The following RBM19 variants were observed in gnomAD, a reference collection of about 807,000 sequenced individuals.
RBM19 encodes the protein probable RNA-binding protein 19.
A neutral mutation model predicts 116.8 loss-of-function variants in RBM19; 94 were observed. The ratio of observed to expected loss-of-function variants is 0.80; its 90% CI spans 0.68 to 0.95. RBM19 has a LOEUF of 0.95. RBM19 is among the 40% of genes least tolerant of loss of function. RBM19 has a pLI of 0.00. For missense variants in RBM19, 1,161 were observed against 1,220.7 expected (o/e 0.95, Z 0.73); for synonymous variants, 475 against 494.1 (o/e 0.96, Z 0.51).
At chr12:113,830,946 T>C (rs1875357590) in intron 23 of RBM19, among the ~76,000 whole-genome samples, 3 of 151,938 alleles carry the variant, frequency 2.0e-5, no homozygotes, top group Non-Finnish European at 2.9e-5. Flanking sequence ...GGCTCGAGGG[T>C]CCAGATAGGA....
chr12:113,832,429 A>G (rs889593249), intron 23 of RBM19, among the ~76,000 whole-genome samples: 1 of 152,110 alleles, frequency 6.6e-6, no homozygotes, highest in African/African-American at 2.4e-5. Context: ...GGCTCAAGTG[A>G]TCCACCCACC....
At chr12:113,889,010 C>T (rs1880745987) in intron 21 of RBM19, among the ~76,000 whole-genome samples, 1 of 152,228 alleles carries the variant, frequency 6.6e-6, no homozygotes, top group Non-Finnish European at 1.5e-5. Context: ...GGTGGCCATG[C>T]ATGTGAAATG....
Position 113,915,018 on chromosome 12 carries a change from G to A in RBM19, c.2509C>T (p.Arg837Trp), listed in dbSNP as rs1159918661. ...CTGTGGGCCTGGAAGGGGATGTTCC[G>A]CACCAGGATCTTGGAGGTGGTCTGC... ...RKQTTSKILVRNIPFQAHSRE... is the reference protein window; with the variant it reads ...RKQTTSKILVWNIPFQAHSRE... Residue 837 changes from arginine to tryptophan, a missense_variant, in exon 21 of 24, where the codon CGG becomes TGG. Coordinates refer to ENST00000261741, the MANE Select transcript of RBM19 (RefSeq NM_016196.4). 3 of 1,614,204 alleles carry A rather than the reference G, an allele frequency of 1.9e-6. No homozygotes were observed. Among genetic ancestry groups the A allele is most frequent in the Non-Finnish European group, 1.7e-6 (2 of 1,180,026 alleles).
intron 22 of RBM19, among the ~76,000 whole-genome samples, chr12:113,852,877 A>G (rs1877564368): frequency 6.6e-6 from 1 of 152,210 alleles, no homozygotes; most frequent in Non-Finnish European, 1.5e-5. Context: ...AGTTTAAACA[A>G]ACGTGTTGAA....
At chr12:113,924,344 A>G (rs979898618) in intron 18 of RBM19, among the ~76,000 whole-genome samples, 1 of 152,234 alleles carries the variant, frequency 6.6e-6, no homozygotes, top group African/African-American at 2.4e-5. Context: ...GGAAACTTCC[A>G]GAGCACAAAA....
At chr12:113,826,873 T>C (rs1527549) in intron 23 of RBM19, among the ~76,000 whole-genome samples, 140,079 of 152,246 alleles carry the variant, frequency 0.92, 64,462 homozygotes, top group East Asian at 0.97. Context: ...CCTGGCTTTG[T>C]GGCCTTGATG....
chr12:113,887,208 A>T (rs548692996), intron 21 of RBM19, among the ~76,000 whole-genome samples: 1 of 152,170 alleles, frequency 6.6e-6, no homozygotes, highest in Non-Finnish European at 1.5e-5. Context: ...ATCCTGATGG[A>T]GAGCTGGGGG....
At position 113,823,215 on chromosome 12, in the gene RBM19, G is replaced by T. The variant is rs759837749; in HGVS notation, c.*9C>A. The T allele has an allele frequency of 5.0e-6, 8 of 1,607,212 alleles. No individual in the cohort carries two copies. The Admixed American group carries it at 1.3e-4, about 27-fold the overall frequency. The stretch of plus-strand genomic sequence containing the variant: ...GGGCCCCGGAGCCACACACCCTCTC[G>T]GTGCCAGCTCACAGCTGAAGGGTCT... On this transcript the variant is annotated 3_prime_UTR_variant, in exon 24 of 24. Transcript: ENST00000261741.
intron 22 of RBM19, among the ~76,000 whole-genome samples, chr12:113,846,395 C>A (rs887024351): frequency 1.3e-5 from 2 of 152,200 alleles, no homozygotes; most frequent in African/African-American, 4.8e-5. Flanking sequence ...AGTCCTAACC[C>A]CCTGTGCTTC....
chr12:113,867,757 C>G (rs1878932557), intron 21 of RBM19, among the ~76,000 whole-genome samples: 1 of 152,064 alleles, frequency 6.6e-6, no homozygotes, highest in South Asian at 2.1e-4. Flanking sequence ...CCCATTTCTA[C>G]TAAAAACACA....
In RBM19 at chr12:113,825,353, G is replaced by A. The variant is rs1363397513; in HGVS notation, c.2786-2032C>T. Reference sequence around the variant, plus strand: ...GGACAGGGTGGGCTGGGGTGGTGGGGGCTGGCGGCCCGGGGCTCGGACTCC... The same window carrying A: ...GGACAGGGTGGGCTGGGGTGGTGGGAGCTGGCGGCCCGGGGCTCGGACTCC... On this transcript the variant is annotated intron_variant, in intron 23 of 23. Transcript: ENST00000261741. This position sits in a 1 kb window ranked among gnomAD's most constrained non-coding sequence, Gnocchi z 5.7. Among the ~76,000 whole-genome samples, 1 of 152,156 alleles carries A rather than the reference G, an allele frequency of 6.6e-6. No individual in the cohort carries two copies. The highest frequency in any genetic ancestry group is 1.5e-5 in the Non-Finnish European group (1 of 68,020).
At chr12:113,876,232 C>T (rs1172745264) in intron 21 of RBM19, among the ~76,000 whole-genome samples, 1 of 152,204 alleles carries the variant, frequency 6.6e-6, no homozygotes, top group African/African-American at 2.4e-5. Context: ...GCAGAATCTG[C>T]AACCTATGCT....
At chr12:113,916,126 C>T (rs2135855621) in intron 20 of RBM19, among the ~76,000 whole-genome samples, 1 of 152,298 alleles carries the variant, frequency 6.6e-6, no homozygotes, top group East Asian at 1.9e-4. Context: ...TGAAGCAAAA[C>T]TAGGCTGGGC....
intron 21 of RBM19, among the ~76,000 whole-genome samples, chr12:113,872,060 C>T (rs2135767913): frequency 6.8e-6 from 1 of 146,282 alleles, no homozygotes; most frequent in Non-Finnish European, 1.5e-5. Context: ...GCCCAGCCGC[C>T]ATCCCATCTA....
chr12:113,861,435 T>C (rs1284918756), intron 21 of RBM19, among the ~76,000 whole-genome samples: 1 of 150,862 alleles, frequency 6.6e-6, no homozygotes, highest in Non-Finnish European at 1.5e-5. Flanking sequence ...CCCTTGATGG[T>C]CTCAATGACC....
At chr12:113,956,060 A>G (rs1362756690) in intron 6 of RBM19, among the ~76,000 whole-genome samples, 1 of 152,192 alleles carries the variant, frequency 6.6e-6, no homozygotes, top group Non-Finnish European at 1.5e-5. Flanking sequence ...TGAAGGAAGT[A>G]AAGTATCTCA....
intron 16 of RBM19, among the ~76,000 whole-genome samples, chr12:113,934,674 G>A (rs1869895170): frequency 1.3e-5 from 2 of 152,186 alleles, no homozygotes; most frequent in Non-Finnish European, 1.5e-5. Context: ...TCCAGGAAGT[G>A]ATAAGCATTT....
chr12:113,848,977 C>T (rs1048548308), intron 22 of RBM19, among the ~76,000 whole-genome samples: 1 of 152,218 alleles, frequency 6.6e-6, no homozygotes, highest in African/African-American at 2.4e-5. Flanking sequence ...TGAGAACAGA[C>T]ATTATTCTCC....
chr12:113,940,088 G>T lies in RBM19; in HGVS notation c.1810C>A (p.Gln604Lys), dbSNP rs1198382666. 6.2e-7 allele frequency: 1 copy of T among 1,614,108 alleles called. No individual in the cohort carries two copies. The highest frequency in any genetic ancestry group is 1.7e-5 in the Admixed American group (1 of 60,032). Residue 604 changes from glutamine to lysine, a missense_variant, in exon 15 of 24, where the codon CAG (glutamine) becomes AAG (lysine). Physicochemically the swap from Gln to Lys is moderately conservative, Grantham distance 53. Transcript: ENST00000261741. ...CTGCCAAAATGGCCGAAGGTCTCCT[G>T]CAGCTGGGCCGCCAGGGTGCCTGCC... ...LPAGTLAAQL[Q>K]ETFGHFGSLG... is the part of the protein sequence containing the mutation.
Sources: gnomAD v4.1 joint callset for allele counts (sites outside exome capture counted in the v4.1 genomes callset) on GRCh38, gnomAD v4.1.1 for gene constraint, Gnocchi (gnomAD v3.1) non-coding constraint, MANE v1.5 for transcripts, NCBI Gene and HGNC (gene_info 2026-07-23, HGNC 2026-07-21) for gene names.